The following DNMT1 variants were observed in gnomAD, a reference collection of about 807,000 sequenced individuals.
The protein encoded by DNMT1 is DNA (cytosine-5)-methyltransferase 1.
DNMT1 carries 24 observed loss-of-function variants against 205.3 expected under a neutral mutation model. The observed-to-expected ratio is 0.12, with a 90% CI of 0.08 to 0.16. DNMT1 has a LOEUF of 0.16. Among genes scored for constraint, DNMT1 ranks in the 10% least tolerant of loss-of-function variants. DNMT1 has a pLI of 1.00. For missense variants in DNMT1, 1,293 were observed against 2,177.7 expected (o/e 0.59, Z 8.09); for synonymous variants, 817 against 839.8 (o/e 0.97, Z 0.47).
At chr19:10,171,971 C>T (rs1174644633) in intron 9 of DNMT1, among the ~76,000 whole-genome samples, 1 of 150,962 alleles carries the variant, frequency 6.6e-6, no homozygotes, top group Non-Finnish European at 1.5e-5. Flanking sequence ...CGCACCTCTG[C>T]ACTCCAGCCT....
Sources: gnomAD v4.1 joint callset for allele counts (sites outside exome capture counted in the v4.1 genomes callset) on GRCh38, gnomAD v4.1.1 for gene constraint, MANE v1.5 for transcripts, NCBI Gene and HGNC (gene_info 2026-07-23, HGNC 2026-07-21) for gene names.